The following SLC41A2 variants were observed in gnomAD, a reference collection of about 807,000 sequenced individuals.
SLC41A2 encodes SLC41A1-like 1.
SLC41A2 carries 32 observed loss-of-function variants against 58.3 expected under a neutral mutation model. The ratio of observed to expected loss-of-function variants is 0.55; its 90% CI spans 0.41 to 0.74. The LOEUF (loss-of-function observed/expected upper bound fraction) is 0.74. SLC41A2 is among the 30% of genes least tolerant of loss of function. The pLI is 0.00. For missense variants in SLC41A2, 514 were observed against 680.6 expected, an observed-to-expected ratio of 0.76 and a Z score of 2.72; for synonymous variants, 190 against 235.0, an observed-to-expected ratio of 0.81 and a Z score of 1.75.
intron 6 of SLC41A2, among the ~76,000 whole-genome samples, chr12:104,878,012 A>AAATTAATT (rs569192275): frequency 6.6e-6 from 1 of 151,848 alleles, no homozygotes; most frequent in African/African-American, 2.4e-5. Context: ...CTGTCTCAAA[A>AAATTAATT]AATTAATTAA....
chr12:104,885,900 G>A (rs2044635307), intron 6 of SLC41A2, among the ~76,000 whole-genome samples: 2 of 151,880 alleles, frequency 1.3e-5, no homozygotes, highest in Admixed American at 1.3e-4. Context: ...ATTCTGAGAT[G>A]GTTCTATACA....
intron 5 of SLC41A2, among the ~76,000 whole-genome samples, chr12:104,887,504 T>C (rs553381827): frequency 9.9e-5 from 15 of 151,978 alleles, no homozygotes; most frequent in Middle Eastern, 3.4e-3. Context: ...TGGAGGCTTT[T>C]TAAATTACTA....
intron 3 of SLC41A2, among the ~76,000 whole-genome samples, chr12:104,901,948 G>A (rs912682042): frequency 1.3e-5 from 2 of 151,976 alleles, no homozygotes; most frequent in Admixed American, 6.5e-5. Context: ...AATCTTATAC[G>A]CTCATTTATC....
intron 1 of SLC41A2, among the ~76,000 whole-genome samples, chr12:104,935,276 G>C (rs1270939398): frequency 6.6e-6 from 1 of 151,958 alleles, no homozygotes; most frequent in African/African-American, 2.4e-5. Flanking sequence ...GTAAGTTTTG[G>C]TGATCTATTG....
Position 104,835,803 on chromosome 12 carries a change from T to C in SLC41A2, c.1536+8669A>G, listed in dbSNP as rs1467495019. Among the ~76,000 whole-genome samples, 3 of 152,026 alleles carry C rather than the reference T, an allele frequency of 2.0e-5. No individual in the cohort carries two copies. The East Asian group carries it at 5.8e-4, about 29-fold the overall frequency. On this transcript the variant is annotated intron_variant, in intron 10 of 10. Coordinates refer to ENST00000258538, the MANE Select transcript of SLC41A2 (RefSeq NM_001352171.3). The stretch of plus-strand genomic sequence containing the variant: ...AGAGGCAGCTGTAAATCTTTAGAAG[T>C]TGCCATCCTAAAAACTATGATCCTC...
At chr12:104,951,124 A>T (rs1254579674) in intron 1 of SLC41A2, among the ~76,000 whole-genome samples, 3 of 152,206 alleles carry the variant, frequency 2.0e-5, no homozygotes, top group Non-Finnish European at 4.4e-5. Context: ...TTTCAAATGG[A>T]TTCCCATATT....
intron 3 of SLC41A2, among the ~76,000 whole-genome samples, chr12:104,906,042 AG>A (rs796920465): frequency 3.9e-5 from 6 of 152,382 alleles, no homozygotes; most frequent in African/African-American, 1.4e-4. Context: ...AGAGCAAGCG[AG>A]GGCTCTGAGG....
intron 1 of SLC41A2, among the ~76,000 whole-genome samples, chr12:104,947,513 T>G (rs902118419): frequency 1.1e-4 from 16 of 152,236 alleles, no homozygotes; most frequent in African/African-American, 3.8e-4. Context: ...GGCTTTTAAT[T>G]TTAAGATGAA....
At chr12:104,937,794 T>C (rs1417573233) in intron 1 of SLC41A2, among the ~76,000 whole-genome samples, 1 of 152,204 alleles carries the variant, frequency 6.6e-6, no homozygotes, top group Admixed American at 6.5e-5. Flanking sequence ...GTCTGTACTT[T>C]AAATGGTATC....
In SLC41A2 at chr12:104,803,408, C is replaced by G. The variant is rs1033814636; in HGVS notation, c.*1744G>C. On this transcript the variant is annotated 3_prime_UTR_variant, in exon 11 of 11. Coordinates refer to ENST00000258538, the MANE Select transcript of SLC41A2 (RefSeq NM_001352171.3). ...CTGCCTTAAAAGTTTTATTATAAGG[C>G]AGAAGAATGGAATAATTGAAGTTTA... 2.4e-4 allele frequency: 37 copies of G among 152,030 alleles called. No individual in the cohort carries two copies. The highest frequency in any genetic ancestry group is 8.9e-4 in the African/African-American group (37 of 41,500). The allele number at this position is 152,030 out of a possible 1,614,324, so 9.4% of individuals were successfully genotyped here. A position where few individuals can be genotyped will look rare whatever the true frequency, so the allele number is the denominator to read the frequency against.
At chr12:104,829,189 T>C (rs570084533) in intron 10 of SLC41A2, among the ~76,000 whole-genome samples, 1 of 152,318 alleles carries the variant, frequency 6.6e-6, no homozygotes, top group South Asian at 2.1e-4. Flanking sequence ...CACAAAAATG[T>C]GTACATGCAT....
At chr12:104,864,912 T>A (rs1374239657) in intron 7 of SLC41A2, among the ~76,000 whole-genome samples, 1 of 151,456 alleles carries the variant, frequency 6.6e-6, no homozygotes, top group Non-Finnish European at 1.5e-5. Context: ...TTGAGTACTA[T>A]TTTTTTTTCC....
chr12:104,925,586 C>T (rs1321617135), intron 2 of SLC41A2, among the ~76,000 whole-genome samples: 2 of 151,810 alleles, frequency 1.3e-5, no homozygotes, highest in Non-Finnish European at 2.9e-5. Context: ...ATTTATATTA[C>T]GTTTCTACAA....
intron 2 of SLC41A2, among the ~76,000 whole-genome samples, chr12:104,917,861 T>C (rs1345840777): frequency 1.4e-5 from 2 of 143,904 alleles, no homozygotes; most frequent in African/African-American, 2.5e-5. Flanking sequence ...TTAGGAGATA[T>C]ACCTAATGCT....
chr12:104,873,698 C>A (rs1439209353), intron 6 of SLC41A2, among the ~76,000 whole-genome samples: 1 of 152,146 alleles, frequency 6.6e-6, no homozygotes, highest in Non-Finnish European at 1.5e-5. Context: ...TGTTATCTTT[C>A]ATCTTATTGG....
chr12:104,902,214 G>A (rs915883616), intron 3 of SLC41A2, among the ~76,000 whole-genome samples: 1 of 151,958 alleles, frequency 6.6e-6, no homozygotes, highest in Non-Finnish European at 1.5e-5. Context: ...CCTTCTCCCT[G>A]GAACCATTGA....
chr12:104,906,487 G>A (rs1175280011), intron 3 of SLC41A2, among the ~76,000 whole-genome samples: 2 of 152,120 alleles, frequency 1.3e-5, no homozygotes, highest in African/African-American at 2.4e-5. Flanking sequence ...CCAGGGGGTG[G>A]CTCAGTGGCT....
intron 3 of SLC41A2, among the ~76,000 whole-genome samples, chr12:104,908,688 C>A (rs888489782): frequency 1.3e-5 from 2 of 152,116 alleles, no homozygotes; most frequent in African/African-American, 4.8e-5. Flanking sequence ...AATGGCAAAC[C>A]CCAAAATCAT....
chr12:104,900,725 C>T (rs2045520858), intron 3 of SLC41A2, among the ~76,000 whole-genome samples: 1 of 152,068 alleles, frequency 6.6e-6, no homozygotes, highest in Non-Finnish European at 1.5e-5. Flanking sequence ...AGGTGTATAA[C>T]AAGAACATGG....
Sources: allele counts gnomAD v4.1 joint callset (sites outside exome capture counted in the v4.1 genomes callset), GRCh38; gene constraint gnomAD v4.1.1; transcripts MANE v1.5; gene names NCBI Gene and HGNC (gene_info 2026-07-23, HGNC 2026-07-21).